The following PLCB1 variants were observed in gnomAD, a reference collection of about 807,000 sequenced individuals.
The protein encoded by PLCB1 is 1-phosphatidylinositol 4,5-bisphosphate phosphodiesterase beta-1.
A neutral mutation model predicts 161.8 loss-of-function variants in PLCB1; 46 were observed. The observed-to-expected ratio is 0.28, with a 90% CI of 0.22 to 0.36. The LOEUF (loss-of-function observed/expected upper bound fraction) is 0.36. Among genes scored for constraint, PLCB1 ranks in the 10% least tolerant of loss-of-function variants. The pLI is 1.00. For missense variants in PLCB1, 1,016 were observed against 1,472.5 expected, an observed-to-expected ratio of 0.69 and a Z score of 5.07; for synonymous variants, 517 against 503.7, an observed-to-expected ratio of 1.03 and a Z score of -0.35.
intron 31 of PLCB1, among the ~76,000 whole-genome samples, chr20:8,874,874 T>C (rs1174901425): frequency 6.6e-6 from 1 of 151,994 alleles, no homozygotes; most frequent in African/African-American, 2.4e-5. Flanking sequence ...AAAAATGGAG[T>C]TGCTGGGTTA....
At chr20:8,732,743 A>AT (rs1432393169) in intron 18 of PLCB1, among the ~76,000 whole-genome samples, 3 of 143,562 alleles carry the variant, frequency 2.1e-5, no homozygotes, top group Non-Finnish European at 3.0e-5. Context: ...TATTAGAATG[A>AT]TATATTTAAT....
At position 8,132,825 on chromosome 20, in the gene PLCB1, A is replaced by AG. The variant is rs2051306644; in HGVS notation, c.99+79dup. On this transcript the variant is annotated intron_variant, in intron 1 of 31. Coordinates refer to ENST00000338037, the MANE Select transcript of PLCB1 (RefSeq NM_015192.4). This position sits in a 1 kb window ranked among gnomAD's most constrained non-coding sequence, Gnocchi z 5.2. ...GGGCGGGCGTCGTGGGGGTGGGGCA[A>AG]GGGGCGCGTTATGCAATGGGCGCAC... 1 of 1,045,980 alleles carries AG rather than the reference A, an allele frequency of 9.6e-7. No homozygotes were observed. Among genetic ancestry groups the AG allele is most frequent in the Non-Finnish European group, 1.5e-6 (1 of 687,320 alleles). 64.8% of individuals were successfully genotyped at this position (1,045,980 alleles called of 1,614,324 possible).
intron 10 of PLCB1, among the ~76,000 whole-genome samples, chr20:8,694,287 G>A (rs937093377): frequency 3.9e-5 from 6 of 152,142 alleles, no homozygotes; most frequent in Non-Finnish European, 8.8e-5. Context: ...GGATAAATGT[G>A]GGTTTTCTCA....
At chr20:8,557,140 A>AT (rs895474762) in intron 3 of PLCB1, among the ~76,000 whole-genome samples, 3 of 151,786 alleles carry the variant, frequency 2.0e-5, no homozygotes, top group Non-Finnish European at 4.4e-5. Flanking sequence ...ATGGTATTGT[A>AT]TTTTTTCAAA....
chr20:8,364,087 G>A (rs1986628534), intron 2 of PLCB1, among the ~76,000 whole-genome samples: 1 of 152,024 alleles, frequency 6.6e-6, no homozygotes, highest in South Asian at 2.1e-4. Flanking sequence ...GTACCGAGCA[G>A]ACTCTTTAGA....
At chr20:8,746,171 A>G (rs1981161232) in intron 23 of PLCB1, among the ~76,000 whole-genome samples, 1 of 152,152 alleles carries the variant, frequency 6.6e-6, no homozygotes. Flanking sequence ...ACCTCAGGTG[A>G]TCCACCTGCC....
At chr20:8,469,196 A>G (rs1981943464) in intron 3 of PLCB1, among the ~76,000 whole-genome samples, 1 of 152,216 alleles carries the variant, frequency 6.6e-6, no homozygotes, top group African/African-American at 2.4e-5. Context: ...ATGAAATAAT[A>G]GAAGCCTCCC....
At chr20:8,464,554 A>T (rs1192094186) in intron 3 of PLCB1, among the ~76,000 whole-genome samples, 2 of 152,208 alleles carry the variant, frequency 1.3e-5, no homozygotes, top group Admixed American at 1.3e-4. Flanking sequence ...ATCTGTAAGG[A>T]ACATGACTGT....
At chr20:8,745,054 A>G (rs1981098217) in intron 23 of PLCB1, among the ~76,000 whole-genome samples, 1 of 152,190 alleles carries the variant, frequency 6.6e-6, no homozygotes, top group African/African-American at 2.4e-5. Context: ...AGTTTTAGAA[A>G]AAATTTTAGA....
Position 8,883,702 on chromosome 20 carries a change from A to C in PLCB1, c.*1853A>C, listed in dbSNP as rs1187392205. The C allele has an allele frequency of 6.6e-6, 1 of 152,578 alleles. No homozygotes were observed. Among genetic ancestry groups the C allele is most frequent in the African/African-American group, 2.4e-5 (1 of 41,466 alleles). 9.5% of individuals were successfully genotyped at this position (152,578 alleles called of 1,614,324 possible). ...TAAGGAAACAGTGTTTGATTAAAAAAAACACATCTAGTAAGACGTAAGGGG... is the reference window on the plus strand; with the variant it reads ...TAAGGAAACAGTGTTTGATTAAAAACAACACATCTAGTAAGACGTAAGGGG... On this transcript the variant is annotated 3_prime_UTR_variant, in exon 32 of 32. Coordinates refer to ENST00000338037, the MANE Select transcript of PLCB1 (RefSeq NM_015192.4).
chr20:8,351,216 A>G lies in PLCB1; in HGVS notation c.178-20166A>G, dbSNP rs1480278120. On this transcript the variant is annotated intron_variant, in intron 2 of 31. Coordinates refer to ENST00000338037, the MANE Select transcript of PLCB1 (RefSeq NM_015192.4). ...ATAAGTATAGTAAACTGACTTTTTTATGAAAGTGCAAGAATAATTCAATAA... is the reference window on the plus strand; with the variant it reads ...ATAAGTATAGTAAACTGACTTTTTTGTGAAAGTGCAAGAATAATTCAATAA... 3.3e-5 allele frequency among the ~76,000 whole-genome samples: 5 copies of G among 152,262 alleles called. No individual in the cohort carries two copies. In the South Asian group the frequency reaches 8.3e-4, roughly 25 times the overall value.
chr20:8,369,796 C>T (rs1367976964), intron 2 of PLCB1, among the ~76,000 whole-genome samples: 5 of 152,214 alleles, frequency 3.3e-5, no homozygotes, highest in Non-Finnish European at 5.9e-5. Context: ...CCACTGTTTC[C>T]TGTCCACCCT....
At chr20:8,509,041 AC>A (rs1371103790) in intron 3 of PLCB1, among the ~76,000 whole-genome samples, 1 of 152,052 alleles carries the variant, frequency 6.6e-6, no homozygotes, top group Non-Finnish European at 1.5e-5. Flanking sequence ...CGTCCATTCT[AC>A]CCTTGGCACA....
intron 2 of PLCB1, among the ~76,000 whole-genome samples, chr20:8,160,889 T>G (rs1461097574): frequency 6.6e-6 from 1 of 152,198 alleles, no homozygotes; most frequent in Non-Finnish European, 1.5e-5. Context: ...TTAAAATATT[T>G]TAAATTTACT....
chr20:8,746,558 C>T (rs1981182991), intron 23 of PLCB1, among the ~76,000 whole-genome samples: 1 of 152,050 alleles, frequency 6.6e-6, no homozygotes, highest in Non-Finnish European at 1.5e-5. Flanking sequence ...GTTGCCCAAG[C>T]TGGTCTTCAA....
intron 3 of PLCB1, among the ~76,000 whole-genome samples, chr20:8,560,378 T>G (rs1753673868): frequency 6.6e-6 from 1 of 151,964 alleles, no homozygotes. Flanking sequence ...TTTTTAAGCT[T>G]CTCACATGTT....
intron 2 of PLCB1, among the ~76,000 whole-genome samples, chr20:8,167,469 T>G (rs1334325726): frequency 6.6e-6 from 1 of 152,234 alleles, no homozygotes; most frequent in African/African-American, 2.4e-5. Context: ...CACAATCACA[T>G]AGCTACCTGG....
intron 2 of PLCB1, among the ~76,000 whole-genome samples, chr20:8,200,684 T>C (rs894496933): frequency 2.6e-5 from 4 of 152,026 alleles, no homozygotes; most frequent in Admixed American, 2.0e-4. Context: ...AAATTCATAA[T>C]CTATACATCA....
intron 2 of PLCB1, among the ~76,000 whole-genome samples, chr20:8,303,672 T>C (rs759083417): frequency 3.3e-5 from 5 of 152,198 alleles, no homozygotes; most frequent in Non-Finnish European, 7.3e-5. Context: ...TTTTCTTCCT[T>C]AGTAAAATCA....
Sources: gnomAD v4.1 joint callset for allele counts (sites outside exome capture counted in the v4.1 genomes callset) on GRCh38, gnomAD v4.1.1 for gene constraint, Gnocchi (gnomAD v3.1) non-coding constraint, MANE v1.5 for transcripts, NCBI Gene and HGNC (gene_info 2026-07-23, HGNC 2026-07-21) for gene names.